Variants in ZNF638 observed in about 807,000 individuals in gnomAD.
ZNF638 encodes CTCL tumor antigen se33-1.
A neutral mutation model predicts 195.6 loss-of-function variants in ZNF638; 46 were observed. That is an observed-to-expected ratio of 0.24 (90% CI 0.19 to 0.30). The LOEUF is 0.30. Among genes scored for constraint, ZNF638 ranks in the 10% least tolerant of loss-of-function variants. The pLI is 1.00. For synonymous variants in ZNF638, 845 were observed against 772.0 expected (o/e 1.09, Z -1.57); for missense variants, 2,440 against 2,325.3 (o/e 1.05, Z -1.01).
chr2:71,337,524 C>A lies in ZNF638; in HGVS notation c.-203+5649C>A, dbSNP rs540947845. On this transcript the variant is annotated intron_variant, in intron 1 of 27. Transcript: ENST00000264447. ...GCCTCCTGGGCTCAAGCGATCCTCC[C>A]AAGTGGCTGGGAGTACTGGCTCAGG... Among the ~76,000 whole-genome samples the A allele has an allele frequency of 1.6e-3, 249 of 152,182 alleles. 3 individuals are homozygous for A. Among genetic ancestry groups the A allele is most frequent in the Middle Eastern group, 3.4e-3 (1 of 294 alleles).
intron 21 of ZNF638, among the ~76,000 whole-genome samples, chr2:71,421,137 A>G (rs917862528): frequency 1.3e-5 from 2 of 152,190 alleles, no homozygotes; most frequent in African/African-American, 4.8e-5. Flanking sequence ...AATATGCAGT[A>G]CAGTAATGAG....
rs372277355 is a variant in ZNF638, at chr2:71,363,665, A to G, written c.1419-289A>G. Among the ~76,000 whole-genome samples, 5 of 152,222 alleles carry G rather than the reference A, an allele frequency of 3.3e-5. No individual in the cohort carries two copies. The South Asian group carries it at 6.2e-4, about 19-fold the overall frequency. The stretch of plus-strand genomic sequence containing the variant: ...TTAATACTTTAAAAACATAATTGGA[A>G]TAATGTTGGTACAGGAAAAACCAGA... On this transcript the variant is annotated intron_variant, in intron 4 of 27. Transcript: ENST00000264447.
intron 10 of ZNF638, among the ~76,000 whole-genome samples, chr2:71,393,221 T>G (rs888244792): frequency 1.1e-4 from 16 of 152,182 alleles, no homozygotes; most frequent in Non-Finnish European, 2.4e-4. Context: ...TACCCTTAAT[T>G]TCTAAAATTT....
chr2:71,352,235 T>C (rs2078952224), intron 2 of ZNF638, among the ~76,000 whole-genome samples: 1 of 151,916 alleles, frequency 6.6e-6, no homozygotes, highest in African/African-American at 2.4e-5. Flanking sequence ...CCCAGCACTT[T>C]GGGAGGCCGA....
intron 17 of ZNF638, among the ~76,000 whole-genome samples, chr2:71,404,853 CTA>C (rs2080074634): frequency 6.6e-6 from 1 of 152,174 alleles, no homozygotes; most frequent in Non-Finnish European, 1.5e-5. Context: ...TTCAGTGCCT[CTA>C]TGTGACCTAT....
chr2:71,411,928 A>G (rs1169604402), intron 20 of ZNF638, among the ~76,000 whole-genome samples: 2 of 76,910 alleles, frequency 2.6e-5, no homozygotes, highest in Non-Finnish European at 4.8e-5. Context: ...TAGTGCCGCA[A>G]TAAACATACG....
In ZNF638 at chr2:71,431,361, A is replaced by G. The variant is rs765900367; in HGVS notation, c.5685A>G (p.Pro1895=). Reference sequence around the variant, plus strand: ...AATCTGGATTAAAGGATTCAGAACCAGAGCGAAAACGCAAGAAGACTGAAG... The same window carrying G: ...AATCTGGATTAAAGGATTCAGAACCGGAGCGAAAACGCAAGAAGACTGAAG... ...DEESGLKDSE[P]ERKRKKTEDS... Residue 1895 remains proline (P), a synonymous_variant, in exon 26 of 28, where the codon CCA becomes CCG. Coordinates refer to ENST00000264447, the MANE Select transcript of ZNF638 (RefSeq NM_014497.5). 1 of 1,614,096 alleles carries G rather than the reference A, an allele frequency of 6.2e-7. No individual in the cohort carries two copies. The highest frequency in any genetic ancestry group is 1.7e-5 in the Admixed American group (1 of 60,024).
intron 2 of ZNF638, 148 bp from the exon 3 acceptor site, chr2:71,355,571 G>A (rs945080689): frequency 1.8e-6 from 1 of 571,242 alleles, no homozygotes. Flanking sequence ...ATTTTTGTTT[G>A]TGAAAATTTT....
chr2:71,406,431 AG>A (rs1366082606), intron 19 of ZNF638, among the ~76,000 whole-genome samples, 169 bp downstream of exon 19: 2 of 152,212 alleles, frequency 1.3e-5, no homozygotes, highest in East Asian at 3.9e-4. Context: ...CCGAGAAAGA[AG>A]AGATGACCTC....
chr2:71,333,785 T>G (rs1310670689), intron 1 of ZNF638, among the ~76,000 whole-genome samples: 2 of 152,184 alleles, frequency 1.3e-5, no homozygotes, highest in African/African-American at 2.4e-5. Flanking sequence ...ATGGTGACAT[T>G]ATTACTTCCT....
At chr2:71,356,431 T>C (rs1396094616) in intron 3 of ZNF638, among the ~76,000 whole-genome samples, 1 of 152,206 alleles carries the variant, frequency 6.6e-6, no homozygotes, top group Admixed American at 6.5e-5. Context: ...GCCACTAGAC[T>C]GAGAGTAACG....
chr2:71,368,322 A>G (rs1404760227), intron 6 of ZNF638, 60 bp from the exon 7 acceptor site: 2 of 1,466,926 alleles, frequency 1.4e-6, no homozygotes, highest in Non-Finnish European at 1.8e-6. Context: ...ATAGGAAATT[A>G]TTACTGTACA....
Position 71,365,713 on chromosome 2 carries a change from C to A in ZNF638, c.1995+7C>A. On this transcript the variant is annotated splice_region_variant and intron_variant, in intron 6 of 27. Transcript: ENST00000264447. ...TGTTTCTCTCCAGCGAAAGGTAATTCTTTAATTAATAATTATTTTTAGAGA... is the reference window on the plus strand; with the variant it reads ...TGTTTCTCTCCAGCGAAAGGTAATTATTTAATTAATAATTATTTTTAGAGA... The A allele has an allele frequency of 1.3e-6, 2 of 1,592,822 alleles. No homozygotes were observed. Among genetic ancestry groups the A allele is most frequent in the Non-Finnish European group, 1.7e-6 (2 of 1,170,994 alleles).
chr2:71,339,997 C>CA (rs1371193715), intron 1 of ZNF638, among the ~76,000 whole-genome samples: 1 of 152,090 alleles, frequency 6.6e-6, no homozygotes, highest in Non-Finnish European at 1.5e-5. Context: ...GCCCATTTAT[C>CA]AAAAAATCAT....
intron 25 of ZNF638, among the ~76,000 whole-genome samples, chr2:71,429,285 A>G (rs570392963): frequency 4.3e-4 from 66 of 152,224 alleles, no homozygotes; most frequent in Admixed American, 9.8e-4. Flanking sequence ...TTCCTATCCT[A>G]TCTTCTTTAA....
chr2:71,391,601 C>T (rs1163408761), intron 10 of ZNF638, among the ~76,000 whole-genome samples: 2 of 152,214 alleles, frequency 1.3e-5, no homozygotes, highest in Non-Finnish European at 2.9e-5. Flanking sequence ...CAGATGTCCT[C>T]ACCTTGGAAA....
In ZNF638 at chr2:71,380,228, G is replaced by C; in HGVS notation, c.2272G>C (p.Glu758Gln). The change falls in exon 9 of 28, where the codon GAG becomes CAG. Residue 758 changes from glutamate (E) to glutamine (Q), a missense_variant. This residue lies in a region of ZNF638 where 1,883 missense variants were observed against 1,739.1 expected (regional missense o/e 1.08). Coordinates refer to ENST00000264447, the MANE Select transcript of ZNF638 (RefSeq NM_014497.5). ...AAATATTTTTCCTACGTAGAACAAA[G>C]AGGTGAAGAAAAAGACTTTAGAGTC... ...VPGKKKAQNK[E>Q]VKKKTLESKK... is the part of the protein sequence containing the mutation. The C allele has an allele frequency of 6.5e-7, 1 of 1,547,480 alleles. No homozygotes were observed. Among genetic ancestry groups the C allele is most frequent in the Non-Finnish European group, 8.7e-7 (1 of 1,152,252 alleles).
chr2:71,354,279 A>G (rs1005295913), intron 2 of ZNF638, among the ~76,000 whole-genome samples: 1 of 151,772 alleles, frequency 6.6e-6, no homozygotes, highest in Non-Finnish European at 1.5e-5. Flanking sequence ...ACATTGAGTA[A>G]CATACATATT....
Position 71,433,151 on chromosome 2 carries a change from T to C in ZNF638, c.5753-14T>C. 1 of 1,522,912 alleles carries C rather than the reference T, an allele frequency of 6.6e-7. No individual in the cohort carries two copies. The highest frequency in any genetic ancestry group is 1.1e-5 in the South Asian group (1 of 88,662). 94.3% of individuals were successfully genotyped at this position (1,522,912 alleles called of 1,614,324 possible). ...TTATTGTTAATTTTCTTCTTGTCTCTTCTTATCCTCTAGAATTAGACTTTC... is the reference window on the plus strand; with the variant it reads ...TTATTGTTAATTTTCTTCTTGTCTCCTCTTATCCTCTAGAATTAGACTTTC... On this transcript the variant is annotated splice_polypyrimidine_tract_variant and intron_variant, in intron 26 of 27. Transcript: ENST00000264447.
Sources: allele counts gnomAD v4.1 joint callset (sites outside exome capture counted in the v4.1 genomes callset), GRCh38; gene constraint gnomAD v4.1.1; regional missense constraint gnomAD v4.1.1; transcripts MANE v1.5; gene names NCBI Gene and HGNC (gene_info 2026-07-23, HGNC 2026-07-21).